The following KIAA1217 variants were observed in gnomAD, a reference collection of about 807,000 sequenced individuals.
The protein encoded by KIAA1217 is sickle tail protein homolog.
Under a neutral mutation model 163.9 loss-of-function variants are expected in KIAA1217, and 88 were observed. The ratio of observed to expected loss-of-function variants is 0.54; its 90% CI spans 0.45 to 0.64. KIAA1217 has a LOEUF of 0.64. Ranked by LOEUF, KIAA1217 falls within the 30% of genes least tolerant of loss-of-function variation. The probability of loss-of-function intolerance (pLI) is 0.00; values close to 1 mark genes in which losing one functional copy is unlikely to be tolerated. For synonymous variants in KIAA1217, 903 were observed against 923.1 expected (o/e 0.98, Z 0.39); for missense variants, 2,372 against 2,475.0 (o/e 0.96, Z 0.88).
At chr10:24,009,327 C>T (rs371976783) in intron 2 of KIAA1217, among the ~76,000 whole-genome samples, 1 of 151,684 alleles carries the variant, frequency 6.6e-6, no homozygotes, top group Non-Finnish European at 1.5e-5. Context: ...TTTACTTACC[C>T]TTGGGTAAGC....
intron 1 of KIAA1217, among the ~76,000 whole-genome samples, chr10:23,973,110 T>G (rs1022888083): frequency 1.3e-5 from 2 of 152,236 alleles, no homozygotes; most frequent in Non-Finnish European, 2.9e-5. Flanking sequence ...AAAGCCATCT[T>G]TGATTTTTTT....
intron 1 of KIAA1217, among the ~76,000 whole-genome samples, chr10:23,726,452 A>G (rs1390245396): frequency 1.3e-5 from 2 of 152,254 alleles, no homozygotes; most frequent in African/African-American, 4.8e-5. Flanking sequence ...TAGAAACCCT[A>G]GAAGAAAACT....
At chr10:23,830,746 A>T (rs1463593220) in intron 1 of KIAA1217, among the ~76,000 whole-genome samples, 2 of 152,020 alleles carry the variant, frequency 1.3e-5, no homozygotes, top group African/African-American at 2.4e-5. Context: ...AGACAGATAG[A>T]TGATTGCTGG....
Position 24,527,993 on chromosome 10 carries a change from G to C in KIAA1217, c.2956G>C (p.Glu986Gln), listed in dbSNP as rs1169049346. The change falls in exon 14 of 21, where the codon GAG becomes CAG. Residue 986 changes from glutamate to glutamine, a missense_variant. Glu to Gln is a conservative substitution (Grantham distance 29). Transcript: ENST00000376454. ...AAATCTGGATCACTATAATGGGAAA[G>C]AGTTTGAGAAGCTCCTAGAAGAAGC... ...RQNLDHYNGK[E>Q]FEKLLEEAQA... 3 of 1,614,160 alleles carry C rather than the reference G, an allele frequency of 1.9e-6. No homozygotes were observed. The East Asian group carries it at 6.7e-5, about 36-fold the overall frequency.
rs184498432 is a variant in KIAA1217, at chr10:24,452,427, A to T, written c.846+13948A>T. On this transcript the variant is annotated intron_variant, in intron 5 of 20. Coordinates refer to ENST00000376454, the MANE Select transcript of KIAA1217 (RefSeq NM_019590.5). ...GGTGGTTCACGCCTGTATTTCCAGC[A>T]CTTTGGGAGGCCGAGGCGGGCGGAT... 5.3e-3 allele frequency among the ~76,000 whole-genome samples: 798 copies of T among 151,878 alleles called. 10 individuals are homozygous for T. The highest frequency in any genetic ancestry group is 0.019 in the African/African-American group (768 of 41,372).
intron 2 of KIAA1217, among the ~76,000 whole-genome samples, chr10:24,359,466 G>A (rs1441509090): frequency 6.6e-6 from 1 of 152,070 alleles, no homozygotes; most frequent in African/African-American, 2.4e-5. Context: ...TCAGATATTG[G>A]CTTTAGCATT....
chr10:23,798,148 G>A (rs1301025827), intron 1 of KIAA1217, among the ~76,000 whole-genome samples: 1 of 152,152 alleles, frequency 6.6e-6, no homozygotes, highest in East Asian at 1.9e-4. Flanking sequence ...TAGGCAGGAA[G>A]AGGAAGTTGC....
intron 1 of KIAA1217, among the ~76,000 whole-genome samples, chr10:23,881,804 C>A (rs988546386): frequency 1.3e-5 from 2 of 151,834 alleles, no homozygotes; most frequent in African/African-American, 4.8e-5. Context: ...AGCATTAGAA[C>A]CTGGCATGGT....
chr10:24,329,121 A>AGT (rs2045328866), intron 2 of KIAA1217, among the ~76,000 whole-genome samples: 1 of 147,890 alleles, frequency 6.8e-6, no homozygotes, highest in African/African-American at 2.5e-5. Context: ...ATTATACTGG[A>AGT]GTGTATATAT....
intron 4 of KIAA1217, among the ~76,000 whole-genome samples, chr10:24,434,623 A>C (rs1564672890): frequency 1.3e-5 from 2 of 152,222 alleles, no homozygotes; most frequent in Non-Finnish European, 2.9e-5. Flanking sequence ...GGCGTGGGCC[A>C]CCACACCTGG....
chr10:23,895,902 A>T (rs915729533), intron 1 of KIAA1217, among the ~76,000 whole-genome samples: 9 of 150,428 alleles, frequency 6.0e-5, no homozygotes, highest in Admixed American at 1.3e-4. Flanking sequence ...ACAAAAAACC[A>T]AACACCGCAT....
At chr10:23,777,209 A>G (rs892183294) in intron 1 of KIAA1217, among the ~76,000 whole-genome samples, 1 of 152,246 alleles carries the variant, frequency 6.6e-6, no homozygotes, top group African/African-American at 2.4e-5. Flanking sequence ...TTGCTTATAT[A>G]GGATAGAAAA....
At chr10:24,146,700 A>G (rs1445457981) in intron 2 of KIAA1217, among the ~76,000 whole-genome samples, 4 of 152,096 alleles carry the variant, frequency 2.6e-5, no homozygotes, top group South Asian at 2.1e-4. Context: ...AAAAAAAAAG[A>G]AAAAAGAAAT....
At chr10:24,389,372 T>A (rs1468836642) in intron 3 of KIAA1217, among the ~76,000 whole-genome samples, 3 of 148,624 alleles carry the variant, frequency 2.0e-5, no homozygotes, top group East Asian at 2.0e-4. Context: ...GGACACAGGG[T>A]GGGGAATATC....
chr10:24,239,780 T>C (rs1564324026), intron 2 of KIAA1217, among the ~76,000 whole-genome samples: 1 of 152,038 alleles, frequency 6.6e-6, no homozygotes, highest in Non-Finnish European at 1.5e-5. Context: ...TTTCACATTG[T>C]AAAAATGCCA....
intron 17 of KIAA1217, 129 bp downstream of exon 17, chr10:24,537,022 G>T: frequency 9.3e-7 from 1 of 1,071,262 alleles, no homozygotes; most frequent in Non-Finnish European, 1.3e-6. Flanking sequence ...TTAACTAATG[G>T]AGACACAGGC....
chr10:24,422,901 C>CTTTTTTTTTT (rs58161228), intron 3 of KIAA1217, among the ~76,000 whole-genome samples: 9 of 120,620 alleles, frequency 7.5e-5, no homozygotes, highest in East Asian at 2.5e-4. Context: ...ATAGATTTAA[C>CTTTTTTTTTT]TTTTTTTTTT....
At chr10:24,112,734 G>T (rs374507366) in intron 2 of KIAA1217, among the ~76,000 whole-genome samples, 1 of 151,860 alleles carries the variant, frequency 6.6e-6, no homozygotes, top group South Asian at 2.1e-4. Flanking sequence ...ACAGGCGCTC[G>T]CCCCCATGCC....
chr10:23,778,528 C>T (rs955206050), intron 1 of KIAA1217, among the ~76,000 whole-genome samples: 3 of 152,224 alleles, frequency 2.0e-5, no homozygotes, highest in African/African-American at 7.2e-5. Flanking sequence ...GATTGGAGGC[C>T]ATTGTTGTGG....
Sources: allele counts gnomAD v4.1 joint callset (sites outside exome capture counted in the v4.1 genomes callset), GRCh38; gene constraint gnomAD v4.1.1; transcripts MANE v1.5; gene names NCBI Gene and HGNC (gene_info 2026-07-23, HGNC 2026-07-21).